CRYBA4: variants seen among roughly 807,000 people sequenced by gnomAD.
CRYBA4 encodes beta-crystallin A4.
A neutral mutation model predicts 31.7 loss-of-function variants in CRYBA4; 30 were observed. That is an observed-to-expected ratio of 0.95 (90% CI 0.71 to 1.28). The LOEUF (loss-of-function observed/expected upper bound fraction) is 1.28, where lower values mean the gene tolerates loss of function less well. CRYBA4 is among the 50% of genes most tolerant of loss of function. The pLI is 0.00. For synonymous variants in CRYBA4, 102 were observed against 102.3 expected, an observed-to-expected ratio of 1.00 and a Z score of 0.02; for missense variants, 225 against 260.7, an observed-to-expected ratio of 0.86 and a Z score of 0.94.
At chr22:26,620,465 C>T (rs1193701800), upstream of CRYBA4, among the ~76,000 whole-genome samples, 1 of 151,792 alleles carries the variant, frequency 6.6e-6, no homozygotes, top group Non-Finnish European at 1.5e-5. Context: ...CAGCCAGCAC[C>T]AGTGGGATGC....
the CRYBA4 span, among the ~76,000 whole-genome samples, chr22:26,606,202 C>T: frequency 1.3e-5 from 2 of 152,054 alleles, no homozygotes; most frequent in African/African-American, 2.4e-5. Context: ...ATAGCAGTGC[C>T]GGAGTTCCAG....
chr22:26,608,156 G>T, the CRYBA4 span: 2 of 1,296,610 alleles, frequency 1.5e-6, no homozygotes, highest in Non-Finnish European at 2.2e-6. Context: ...GGCTGAACAT[G>T]TCTGGGTTTG....
intron 2 of CRYBA4, 47 bp downstream of exon 2, chr22:26,622,682 T>C: frequency 1.5e-6 from 2 of 1,342,584 alleles, no homozygotes; most frequent in Non-Finnish European, 2.1e-6. Context: ...ATGGGGAGGG[T>C]TCAGGTCCCC....
the CRYBA4 span, among the ~76,000 whole-genome samples, chr22:26,596,247 C>T: frequency 6.6e-6 from 1 of 152,140 alleles, no homozygotes; most frequent in Non-Finnish European, 1.5e-5. Context: ...AGGTGTGCAC[C>T]ACCATGTCCG....
At chr22:26,595,447 C>T in the CRYBA4 span, among the ~76,000 whole-genome samples, 48 of 152,108 alleles carry the variant, frequency 3.2e-4, no homozygotes, top group African/African-American at 9.6e-4. Flanking sequence ...GGCATGGTGG[C>T]GCATGCCTAT....
the CRYBA4 span, among the ~76,000 whole-genome samples, chr22:26,613,366 GA>G: frequency 6.6e-6 from 1 of 152,202 alleles, no homozygotes; most frequent in Admixed American, 6.5e-5. Context: ...TTGCCCAAGA[GA>G]AACTCCTGTA....
chr22:26,598,374 GCTCT>G, the CRYBA4 span, among the ~76,000 whole-genome samples: 10 of 143,800 alleles, frequency 7.0e-5, no homozygotes, highest in African/African-American at 7.8e-5. Flanking sequence ...TCTCTTTCTC[GCTCT>G]CTCTCTCTTT....
In CRYBA4 at chr22:26,627,522, TTC is replaced by T. The variant is rs1463526873; in HGVS notation, c.301-762_301-761del. ...TTTCTTTCTTTCTTTCTTTCTTTCT[TTC>T]TCTTTCTTTCCTTTTCTTTCTTTCT... On this transcript the variant is annotated intron_variant, in intron 4 of 5. Coordinates refer to ENST00000354760, the MANE Select transcript of CRYBA4 (RefSeq NM_001886.3). Among the ~76,000 whole-genome samples the T allele has an allele frequency of 3.3e-4, 41 of 123,266 alleles. 1 individual carries two copies. The highest frequency in any genetic ancestry group is 1.2e-3 in the African/African-American group (38 of 32,938). The allele number at this position is 123,266 out of a possible 152,430, so 80.9% of individuals were successfully genotyped here. A position where few individuals can be genotyped will look rare whatever the true frequency, so the allele number is the denominator to read the frequency against.
chr22:26,625,200 C>T (rs1188622361), intron 3 of CRYBA4, among the ~76,000 whole-genome samples: 6 of 152,274 alleles, frequency 3.9e-5, no homozygotes, highest in South Asian at 2.1e-4. Flanking sequence ...TCAACTCTGG[C>T]GCTACTGATG....
intron 4 of CRYBA4, 129 bp from the exon 5 acceptor site, chr22:26,628,159 T>C (rs963725432): frequency 3.1e-6 from 4 of 1,292,972 alleles, no homozygotes; most frequent in Non-Finnish European, 3.3e-6. Flanking sequence ...TGTTGCCTTA[T>C]TGCCCTTCCA....
chr22:26,600,757 C>G, the CRYBA4 span, among the ~76,000 whole-genome samples: 1 of 152,214 alleles, frequency 6.6e-6, no homozygotes, highest in South Asian at 2.1e-4. Context: ...CTGCCAGACC[C>G]CCTCCCTATA....
the CRYBA4 span, among the ~76,000 whole-genome samples, chr22:26,608,938 C>A: frequency 0.18 from 27,025 of 152,106 alleles, 3,155 homozygotes; most frequent in East Asian, 0.38. Context: ...GGAAGATTTT[C>A]CTGGCTTTCC....
chr22:26,618,753 G>T (rs544755089), upstream of CRYBA4, among the ~76,000 whole-genome samples: 3 of 152,316 alleles, frequency 2.0e-5, no homozygotes, highest in South Asian at 6.2e-4. Flanking sequence ...GAGGCCCCCT[G>T]GCCTGACTTC....
chr22:26,613,090 C>T, the CRYBA4 span, among the ~76,000 whole-genome samples: 1 of 152,194 alleles, frequency 6.6e-6, no homozygotes, highest in Non-Finnish European at 1.5e-5. Context: ...CAGCCCCAGC[C>T]CCAGTACCTG....
chr22:26,593,947 G>A, the CRYBA4 span, among the ~76,000 whole-genome samples: 3 of 152,188 alleles, frequency 2.0e-5, no homozygotes, highest in Non-Finnish European at 4.4e-5. Context: ...CCATTTTACA[G>A]ATGTGGAAAC....
intron 2 of CRYBA4, among the ~76,000 whole-genome samples, 178 bp from the exon 3 acceptor site, chr22:26,623,056 C>A (rs536410476): frequency 2.0e-5 from 3 of 152,278 alleles, no homozygotes; most frequent in Admixed American, 1.3e-4. Flanking sequence ...CACCCATTTA[C>A]CTGGCACCTG....
intron 4 of CRYBA4, among the ~76,000 whole-genome samples, chr22:26,626,489 T>A (rs1047344681): frequency 1.3e-5 from 2 of 152,250 alleles, no homozygotes; most frequent in Non-Finnish European, 2.9e-5. Context: ...CTTATTGATT[T>A]AAAATGACAT....
the CRYBA4 span, among the ~76,000 whole-genome samples, chr22:26,604,256 C>G: frequency 6.6e-6 from 1 of 152,252 alleles, no homozygotes; most frequent in Admixed American, 6.5e-5. Context: ...ACTTCTGAGT[C>G]TCAGTTTCCT....
chr22:26,612,455 C>T, the CRYBA4 span, among the ~76,000 whole-genome samples: 1 of 152,210 alleles, frequency 6.6e-6, no homozygotes, highest in African/African-American at 2.4e-5. Context: ...CTCCGCCTCC[C>T]AGGCTCAAGC....
Sources: allele counts gnomAD v4.1 joint callset (sites outside exome capture counted in the v4.1 genomes callset), GRCh38; gene constraint gnomAD v4.1.1; transcripts MANE v1.5; gene names NCBI Gene and HGNC (gene_info 2026-07-23, HGNC 2026-07-21).